The following LRRTM4 variants were observed in gnomAD, a reference collection of about 807,000 sequenced individuals.
LRRTM4 encodes the protein leucine-rich repeat transmembrane neuronal protein 4.
Under a neutral mutation model 47.6 loss-of-function variants are expected in LRRTM4, and 25 were observed. The observed-to-expected ratio is 0.53, with a 90% confidence interval of 0.38 to 0.73. The LOEUF is 0.73. LRRTM4 is among the 30% of genes least tolerant of loss of function. The probability of loss-of-function intolerance (pLI) is 0.00; values close to 1 mark genes in which losing one functional copy is unlikely to be tolerated. For synonymous variants in LRRTM4, 311 were observed against 269.5 expected (o/e 1.15, Z -1.51); for missense variants, 638 against 713.4 (o/e 0.89, Z 1.20).
chr2:77,193,253 T>G (rs1473610725), intron 3 of LRRTM4, among the ~76,000 whole-genome samples: 1 of 152,168 alleles, frequency 6.6e-6, no homozygotes, highest in Admixed American at 6.5e-5. Flanking sequence ...CAACTATGAT[T>G]GTTTAAGAAT....
intron 3 of LRRTM4, among the ~76,000 whole-genome samples, chr2:76,831,889 T>G (rs1042560927): frequency 3.9e-5 from 6 of 152,142 alleles, no homozygotes; most frequent in Non-Finnish European, 7.4e-5. Flanking sequence ...TGTTTTTGTG[T>G]TCTGCATACC....
intron 3 of LRRTM4, among the ~76,000 whole-genome samples, chr2:77,176,992 G>C (rs552144105): frequency 5.9e-5 from 9 of 152,106 alleles, no homozygotes; most frequent in Non-Finnish European, 1.3e-4. Context: ...ATCACATATG[G>C]TCTGAAAAAG....
chr2:77,154,964 T>C (rs952953289), intron 3 of LRRTM4, among the ~76,000 whole-genome samples: 5 of 152,290 alleles, frequency 3.3e-5, no homozygotes, highest in South Asian at 4.1e-4. Context: ...AAAGAAGATA[T>C]GATTTGTACC....
chr2:77,347,807 TA>T (rs2104289694), intron 3 of LRRTM4, among the ~76,000 whole-genome samples: 1 of 152,250 alleles, frequency 6.6e-6, no homozygotes, highest in Non-Finnish European at 1.5e-5. Flanking sequence ...AGCTCTGGTC[TA>T]AAATATGAAC....
intron 3 of LRRTM4, among the ~76,000 whole-genome samples, chr2:77,191,802 G>C (rs558909308): frequency 6.6e-6 from 1 of 152,094 alleles, no homozygotes; most frequent in South Asian, 2.1e-4. Context: ...ACATGTTCAA[G>C]GTGTGCTGGC....
At chr2:76,795,598 C>T (rs1365798603) in intron 3 of LRRTM4, among the ~76,000 whole-genome samples, 1 of 150,164 alleles carries the variant, frequency 6.7e-6, no homozygotes, top group South Asian at 2.2e-4. Flanking sequence ...CACATACACA[C>T]ACACTACATT....
rs778355854 is a variant in LRRTM4 at position 77,519,285 on chromosome 2, C to G, written c.584G>C (p.Ser195Thr). 4.3e-6 allele frequency: 7 copies of G among 1,613,456 alleles called. No individual in the cohort carries two copies. The highest frequency in any genetic ancestry group is 5.9e-6 in the Non-Finnish European group (7 of 1,179,590). Residue 195 changes from serine (S) to threonine (T), a missense_variant, in exon 3 of 4, where the codon AGC (serine) becomes ACC (threonine). Ser to Thr is a moderately conservative substitution (Grantham distance 58, BLOSUM62 1). Transcript: ENST00000409884. The surrounding 1 kb of genome is among the most constrained non-coding windows in gnomAD (Gnocchi z 4.6). ...GCCAGCAAATGCATTTCGGGACAAG[C>G]TTCGAAGACGATTGTAACCCAAATC... ...FLDLGYNRLRSLSRNAFAGLL... is the reference protein window; with the variant it reads ...FLDLGYNRLRTLSRNAFAGLL...
chr2:77,303,214 T>C (rs1026402643), intron 3 of LRRTM4, among the ~76,000 whole-genome samples: 1 of 151,888 alleles, frequency 6.6e-6, no homozygotes, highest in African/African-American at 2.4e-5. Flanking sequence ...TGAGCCAAGA[T>C]CGTGCCATTG....
intron 3 of LRRTM4, among the ~76,000 whole-genome samples, chr2:77,064,756 CCT>C (rs1436552239): frequency 2.0e-5 from 3 of 152,112 alleles, no homozygotes; most frequent in African/African-American, 7.2e-5. Context: ...AAATTATCCA[CCT>C]CTTTTGGGGA....
At chr2:77,329,987 A>G (rs1311327233) in intron 3 of LRRTM4, among the ~76,000 whole-genome samples, 1 of 152,086 alleles carries the variant, frequency 6.6e-6, no homozygotes, top group Non-Finnish European at 1.5e-5. Flanking sequence ...TGAAGAAAGG[A>G]GCTGACCTGG....
At chr2:77,370,686 G>A (rs115679536) in intron 3 of LRRTM4, among the ~76,000 whole-genome samples, 166 of 151,848 alleles carry the variant, frequency 1.1e-3, no homozygotes, top group African/African-American at 3.8e-3. Context: ...AAACCATTCA[G>A]ACCCTGAAAA....
At chr2:77,011,082 A>C (rs1223374528) in intron 3 of LRRTM4, among the ~76,000 whole-genome samples, 2 of 152,178 alleles carry the variant, frequency 1.3e-5, no homozygotes, top group East Asian at 3.8e-4. Context: ...CGTATCTAGA[A>C]AGAATATAAT....
intron 3 of LRRTM4, among the ~76,000 whole-genome samples, chr2:77,425,758 C>T (rs112032542): frequency 4.6e-5 from 7 of 152,120 alleles, no homozygotes; most frequent in African/African-American, 1.7e-4. Context: ...TCCAGCTCTC[C>T]TTTCAAGCCT....
intron 3 of LRRTM4, among the ~76,000 whole-genome samples, chr2:77,039,471 C>A (rs1306977807): frequency 6.6e-6 from 1 of 151,018 alleles, no homozygotes; most frequent in African/African-American, 2.4e-5. Flanking sequence ...AATCTGTCAT[C>A]ATAAATATTT....
At chr2:77,009,975 T>TA (rs60699157) in intron 3 of LRRTM4, among the ~76,000 whole-genome samples, 14,323 of 145,468 alleles carry the variant, frequency 0.098, 1,684 homozygotes, top group African/African-American at 0.28. Context: ...ACCCTTTTTT[T>TA]AAAAAAAAAA....
At chr2:77,075,331 C>T (rs1680296649) in intron 3 of LRRTM4, among the ~76,000 whole-genome samples, 2 of 152,154 alleles carry the variant, frequency 1.3e-5, no homozygotes, top group Admixed American at 1.3e-4. Context: ...AAGTCTGTGT[C>T]AGTCTGTTTA....
intron 3 of LRRTM4, among the ~76,000 whole-genome samples, chr2:76,807,885 T>C (rs2103805767): frequency 6.6e-6 from 1 of 151,330 alleles, no homozygotes. Context: ...CCGGCCTATT[T>C]TCTTTTCTTC....
intron 3 of LRRTM4, among the ~76,000 whole-genome samples, chr2:76,791,701 G>C (rs2103716025): frequency 6.6e-6 from 1 of 152,300 alleles, no homozygotes; most frequent in East Asian, 1.9e-4. Context: ...ATGGAGAAAT[G>C]CCACAGTGCA....
intron 3 of LRRTM4, among the ~76,000 whole-genome samples, chr2:76,793,597 G>A (rs1675095989): frequency 9.8e-6 from 1 of 101,806 alleles, no homozygotes; most frequent in South Asian, 3.4e-4. Context: ...TCTTCACTGT[G>A]CTCTCGGTAA....
Sources: allele counts gnomAD v4.1 joint callset (sites outside exome capture counted in the v4.1 genomes callset), GRCh38; gene constraint gnomAD v4.1.1; non-coding constraint Gnocchi (gnomAD v3.1); transcripts MANE v1.5; gene names NCBI Gene and HGNC (gene_info 2026-07-23, HGNC 2026-07-21).